ARMC9: variants seen among roughly 807,000 people sequenced by gnomAD.
ARMC9 encodes lisH domain-containing protein ARMC9.
ARMC9 carries 94 observed loss-of-function variants against 107.0 expected under a neutral mutation model. The observed-to-expected ratio is 0.88, with a 90% CI of 0.74 to 1.04. The LOEUF is 1.04. ARMC9 is among the 50% of genes least tolerant of loss of function. The probability of loss-of-function intolerance (pLI) is 0.00; values close to 1 mark genes in which losing one functional copy is unlikely to be tolerated. For missense variants in ARMC9, 942 were observed against 1,030.1 expected, an observed-to-expected ratio of 0.91 and a Z score of 1.17; for synonymous variants, 380 against 396.9, an observed-to-expected ratio of 0.96 and a Z score of 0.51.
At chr2:231,237,781 A>ATTTTT (rs142285288) in intron 8 of ARMC9, among the ~76,000 whole-genome samples, 1 of 26,964 alleles carries the variant, frequency 3.7e-5, no homozygotes, top group Non-Finnish European at 7.1e-5. Flanking sequence ...ATATATATAT[A>ATTTTT]TTTTTTTTTT....
chr2:231,277,709 C>CCCA (rs2039885206), intron 15 of ARMC9, among the ~76,000 whole-genome samples: 1 of 151,834 alleles, frequency 6.6e-6, no homozygotes, highest in African/African-American at 2.4e-5. Context: ...ATTACAGGTG[C>CCCA]CCACCACCAC....
chr2:231,289,146 T>G (rs1375514228), intron 17 of ARMC9, among the ~76,000 whole-genome samples: 1 of 152,228 alleles, frequency 6.6e-6, no homozygotes, highest in Non-Finnish European at 1.5e-5. Context: ...GATCAAATAT[T>G]ACCTAATATA....
chr2:231,232,785 A>G (rs2125355293), intron 7 of ARMC9, among the ~76,000 whole-genome samples: 1 of 152,026 alleles, frequency 6.6e-6, no homozygotes, highest in East Asian at 1.9e-4. Context: ...ATCTTTCAAA[A>G]CTGAGATTTG....
intron 20 of ARMC9, among the ~76,000 whole-genome samples, chr2:231,339,759 G>A (rs1055664530): frequency 2.6e-5 from 4 of 152,204 alleles, no homozygotes; most frequent in Admixed American, 6.5e-5. Context: ...CGGTGAAACC[G>A]TATCTCTACT....
chr2:231,263,457 A>G (rs920426218), intron 12 of ARMC9, among the ~76,000 whole-genome samples: 2 of 152,232 alleles, frequency 1.3e-5, no homozygotes, highest in African/African-American at 4.8e-5. Flanking sequence ...TGGGGGTCGA[A>G]GCTGTCTTTT....
At chr2:231,262,207 T>G in intron 11 of ARMC9, 99 bp from the exon 12 acceptor site, 1 of 1,080,562 alleles carries the variant, frequency 9.3e-7, no homozygotes, top group Admixed American at 1.7e-5. Flanking sequence ...TGGTTAAATG[T>G]GTAGGTACTG....
chr2:231,257,929 G>A lies in ARMC9; in HGVS notation c.915-1062G>A, dbSNP rs113788847. On this transcript the variant is annotated intron_variant, in intron 10 of 24. Transcript: ENST00000611582. Reference sequence around the variant, plus strand: ...AAAACGTGAAGACGCTTGTTTTAGCGACAAGGAAGCTGAGGTGATTCCTTT... The same window carrying A: ...AAAACGTGAAGACGCTTGTTTTAGCAACAAGGAAGCTGAGGTGATTCCTTT... 4.6e-5 allele frequency among the ~76,000 whole-genome samples: 7 copies of A among 152,214 alleles called. No individual in the cohort carries two copies. In the South Asian group the frequency reaches 1.0e-3, roughly 23 times the overall value.
At chr2:231,359,570 C>T (rs1476145802) in intron 22 of ARMC9, among the ~76,000 whole-genome samples, 2 of 152,194 alleles carry the variant, frequency 1.3e-5, no homozygotes, top group African/African-American at 4.8e-5. Context: ...AGCTCCTGGT[C>T]CTGGTCCTAG....
intron 23 of ARMC9, among the ~76,000 whole-genome samples, chr2:231,363,074 G>T (rs1361641626): frequency 6.6e-6 from 1 of 152,232 alleles, no homozygotes; most frequent in Admixed American, 6.5e-5. Flanking sequence ...AGTGTGCAAG[G>T]TATTCAGGAA....
chr2:231,222,777 T>C lies in ARMC9; in HGVS notation c.554T>C (p.Leu185Ser), dbSNP rs762574548. The C allele has an allele frequency of 1.2e-5, 19 of 1,596,718 alleles. No homozygotes were observed. Among genetic ancestry groups the C allele is most frequent in the East Asian group, 2.2e-5 (1 of 44,744 alleles). Reference sequence around the variant, plus strand: ...TTGAAGTTGATAAAGTTTCTAGCTTTAATATCTAAAGCCAGCAACACGCCA... The same window carrying C: ...TTGAAGTTGATAAAGTTTCTAGCTTCAATATCTAAAGCCAGCAACACGCCA... ...LKLKLIKFLA[L>S]ISKASNTPKL... Residue 185 changes from leucine to serine, a missense_variant, in exon 6 of 25, where the codon TTA becomes TCA. Physicochemically the swap from Leu to Ser is moderately radical, Grantham distance 145. Transcript: ENST00000611582.
intron 20 of ARMC9, among the ~76,000 whole-genome samples, chr2:231,332,929 G>GAAGA (rs2043840470): frequency 6.6e-6 from 1 of 152,194 alleles, no homozygotes; most frequent in Admixed American, 6.5e-5. Flanking sequence ...GGAGAAGAAG[G>GAAGA]GTGGAGCCAG....
At chr2:231,264,551 G>T (rs967271256) in intron 12 of ARMC9, among the ~76,000 whole-genome samples, 2 of 151,552 alleles carry the variant, frequency 1.3e-5, no homozygotes, top group Non-Finnish European at 2.9e-5. Flanking sequence ...AGGCTGGAGT[G>T]CAGTGGCACG....
rs113990420 is a variant in ARMC9, at chr2:231,204,557, A to G, written c.-41-1641A>G. On this transcript the variant is annotated intron_variant, in intron 1 of 24. Coordinates refer to ENST00000611582, the MANE Select transcript of ARMC9 (RefSeq NM_001352754.2). ...GCTGTTTTCTTCATGTCTGGAATCA[A>G]TTTCCACTCCGTCCATGTTTTTGAG... Among the ~76,000 whole-genome samples, 117 of 152,104 alleles carry G rather than the reference A, an allele frequency of 7.7e-4. 1 individual carries two copies. The highest frequency in any genetic ancestry group is 5.0e-3 in the South Asian group (24 of 4,808).
chr2:231,251,569 T>C (rs1330148644), intron 9 of ARMC9, among the ~76,000 whole-genome samples: 1 of 152,116 alleles, frequency 6.6e-6, no homozygotes, highest in Non-Finnish European at 1.5e-5. Flanking sequence ...AGTTATTCGG[T>C]CATTTATCCT....
Position 231,372,617 on chromosome 2 carries a change from T to C in ARMC9, c.*1082T>C, listed in dbSNP as rs1360072519. ...CCAGTCTTAGGACAGAGGAAGGATG[T>C]TTGCCTTCAGGACCAGCAAGTCACA... On this transcript the variant is annotated 3_prime_UTR_variant, in exon 25 of 25. Coordinates refer to ENST00000611582, the MANE Select transcript of ARMC9 (RefSeq NM_001352754.2). The C allele has an allele frequency of 6.6e-6, 1 of 152,376 alleles. No homozygotes were observed. Among genetic ancestry groups the C allele is most frequent in the Non-Finnish European group, 1.5e-5 (1 of 68,236 alleles). The allele number at this position is 152,376 out of a possible 1,614,324, so 9.4% of individuals were successfully genotyped here.
At chr2:231,218,845 G>A (rs1166842192) in intron 5 of ARMC9, among the ~76,000 whole-genome samples, 4 of 151,536 alleles carry the variant, frequency 2.6e-5, no homozygotes, top group Admixed American at 2.0e-4. Context: ...TCCACCTCCC[G>A]GGTTCAAGCG....
chr2:231,334,766 C>T (rs1530875), intron 20 of ARMC9, among the ~76,000 whole-genome samples: 14,407 of 152,174 alleles, frequency 0.095, 906 homozygotes, highest in Non-Finnish European at 0.14. Flanking sequence ...ACATTGCCAG[C>T]CTGCCAGCCT....
chr2:231,334,524 C>T (rs1269609012), intron 20 of ARMC9, among the ~76,000 whole-genome samples: 1 of 152,208 alleles, frequency 6.6e-6, no homozygotes, highest in Non-Finnish European at 1.5e-5. Context: ...ATTACATCTA[C>T]AAGGGTCTTT....
At chr2:231,339,581 T>C (rs114536236) in intron 20 of ARMC9, among the ~76,000 whole-genome samples, 4,624 of 152,192 alleles carry the variant, frequency 0.03, 230 homozygotes, top group African/African-American at 0.11. Flanking sequence ...GGATAACAGG[T>C]GTAAGCCACT....
Sources: gnomAD v4.1 joint callset for allele counts (sites outside exome capture counted in the v4.1 genomes callset) on GRCh38, gnomAD v4.1.1 for gene constraint, MANE v1.5 for transcripts, NCBI Gene and HGNC (gene_info 2026-07-23, HGNC 2026-07-21) for gene names.